Variants in WDR26 observed in about 807,000 individuals in gnomAD.
The protein encoded by WDR26 is WD repeat domain 26.
Under a neutral mutation model 84.1 loss-of-function variants are expected in WDR26, and 5 were observed. That is an observed-to-expected ratio of 0.06 (90% CI 0.03 to 0.13). WDR26 has a LOEUF of 0.13. Ranked by LOEUF, WDR26 falls within the 10% of genes least tolerant of loss-of-function variation. The pLI is 1.00. For synonymous variants in WDR26, 415 were observed against 389.6 expected (o/e 1.07, Z -0.77); for missense variants, 642 against 974.9 (o/e 0.66, Z 4.55).
At chr1:224,396,058 C>G (rs942911480) in intron 12 of WDR26, among the ~76,000 whole-genome samples, 21 of 152,128 alleles carry the variant, frequency 1.4e-4, no homozygotes, top group Non-Finnish European at 2.5e-4. Flanking sequence ...TTACTGTGGT[C>G]ATCCTGGGAG....
At chr1:224,402,705 T>C (rs997321071) in intron 8 of WDR26, among the ~76,000 whole-genome samples, 2 of 152,194 alleles carry the variant, frequency 1.3e-5, no homozygotes, top group African/African-American at 4.8e-5. Context: ...TGGAAAAAAG[T>C]TTTCATTGAT....
rs1301309362 is a variant in WDR26, at chr1:224,385,419, CAAAGA to C, written c.*4411_*4415del. ...AGTTTTTATACTTTAATGAATAAAGCAAAGAAATTTAAACTAAGTAAATATAATCT... is the reference window on the plus strand; with the variant it reads ...AGTTTTTATACTTTAATGAATAAAGCAATTTAAACTAAGTAAATATAATCT... On this transcript the variant is annotated 3_prime_UTR_variant, in exon 14 of 14. Transcript: ENST00000414423. The C allele has an allele frequency of 2.0e-5, 3 of 151,034 alleles. No homozygotes were observed. Among genetic ancestry groups the C allele is most frequent in the Non-Finnish European group, 4.4e-5 (3 of 67,926 alleles). 9.4% of individuals were successfully genotyped at this position (151,034 alleles called of 1,614,324 possible).
intron 1 of WDR26, among the ~76,000 whole-genome samples, chr1:224,433,344 C>G (rs1186134547): frequency 6.6e-6 from 1 of 152,182 alleles, no homozygotes; most frequent in Non-Finnish European, 1.5e-5. Context: ...CAGAAACACA[C>G]TCCCGCATCT....
At chr1:224,413,760 C>A (rs962269948) in intron 6 of WDR26, among the ~76,000 whole-genome samples, 1 of 152,172 alleles carries the variant, frequency 6.6e-6, no homozygotes, top group Non-Finnish European at 1.5e-5. Flanking sequence ...AAATTCCAAT[C>A]AAATAAGCAA....
At chr1:224,408,299 G>C (rs537338138) in intron 7 of WDR26, among the ~76,000 whole-genome samples, 11 of 152,034 alleles carry the variant, frequency 7.2e-5, no homozygotes, top group Non-Finnish European at 1.5e-4. Context: ...ACTTTCCCTA[G>C]CTTTGCTGTT....
chr1:224,422,082 A>G (rs761795154), intron 4 of WDR26, among the ~76,000 whole-genome samples: 27 of 152,210 alleles, frequency 1.8e-4, no homozygotes, highest in Admixed American at 4.6e-4. Context: ...TGATGTCACG[A>G]GAATACCCAG....
intron 3 of WDR26, among the ~76,000 whole-genome samples, chr1:224,427,333 G>A (rs114252940): frequency 6.6e-6 from 1 of 151,228 alleles, no homozygotes; most frequent in Non-Finnish European, 1.5e-5. Context: ...ATTTTTTTTG[G>A]TATCAATCAT....
At chr1:224,391,186 G>A (rs2102883968) in intron 13 of WDR26, among the ~76,000 whole-genome samples, 1 of 151,632 alleles carries the variant, frequency 6.6e-6, no homozygotes, top group South Asian at 2.1e-4. Flanking sequence ...GACCAACATG[G>A]AAAAACCCCA....
intron 1 of WDR26, among the ~76,000 whole-genome samples, chr1:224,433,146 C>T (rs1227068224): frequency 6.6e-6 from 1 of 152,178 alleles, no homozygotes; most frequent in Non-Finnish European, 1.5e-5. Context: ...ATGATCCCAG[C>T]CCCTCCGTTC....
intron 6 of WDR26, among the ~76,000 whole-genome samples, chr1:224,413,524 G>C (rs1355801563): frequency 2.0e-5 from 3 of 152,066 alleles, no homozygotes; most frequent in Admixed American, 6.6e-5. Context: ...CATTTATTAA[G>C]CAATTACTAG....
chr1:224,410,491 T>A (rs1324164845), intron 7 of WDR26, among the ~76,000 whole-genome samples: 2 of 151,960 alleles, frequency 1.3e-5, no homozygotes, highest in South Asian at 2.1e-4. Flanking sequence ...CGAACACTTA[T>A]CTGATTTTAG....
chr1:224,416,791 C>A lies in WDR26; in HGVS notation c.1319+1469G>T, dbSNP rs181793842. 1.1e-4 allele frequency among the ~76,000 whole-genome samples: 17 copies of A among 152,294 alleles called. No individual in the cohort carries two copies. In the East Asian group the frequency reaches 2.3e-3, roughly 21 times the overall value. Reference sequence around the variant, plus strand: ...AAAAAAGATTTGGGTTCACAAGCGTCTTAATTTTAACACTGTTCTCAAATC... The same window carrying A: ...AAAAAAGATTTGGGTTCACAAGCGTATTAATTTTAACACTGTTCTCAAATC... On this transcript the variant is annotated intron_variant, in intron 6 of 13. Transcript: ENST00000414423.
Position 224,433,697 on chromosome 1 carries a change from C to T in WDR26, c.709G>A (p.Gly237Ser). ...AGGGATACTTACTTGAGCCCTAAGC[C>T]ATTCAAGTGCTGTCCTATTAGCCTA... Residue 237 changes from glycine (G) to serine (S), a missense_variant, in exon 1 of 14, where the codon GGC (glycine) becomes AGC (serine). Physicochemically the swap from Gly to Ser is moderately conservative, Grantham distance 56. Around this residue, in one of 2 missense-constraint regions of WDR26, gnomAD observed 351 missense variants for 672.8 expected, o/e 0.52. Coordinates refer to ENST00000414423, the MANE Select transcript of WDR26 (RefSeq NM_001379403.1). The T allele has an allele frequency of 6.6e-7, 1 of 1,510,948 alleles. No individual in the cohort carries two copies. Among genetic ancestry groups the T allele is most frequent in the Non-Finnish European group, 8.8e-7 (1 of 1,131,088 alleles). The allele number at this position is 1,510,948 out of a possible 1,614,324, so 93.6% of individuals were successfully genotyped here. A position where few individuals can be genotyped will look rare whatever the true frequency, so the allele number is the denominator to read the frequency against.
intron 1 of WDR26, 59 bp downstream of exon 1, chr1:224,433,625 C>T (rs1185650981): frequency 3.8e-6 from 5 of 1,309,652 alleles, no homozygotes; most frequent in Admixed American, 3.1e-5. Context: ...TTCCCCTACC[C>T]CCCTGGAGCC....
At position 224,434,061 on chromosome 1, in the gene WDR26, G is replaced by A; in HGVS notation, c.345C>T (p.Gly115=). The change falls in exon 1 of 14, where the codon GGC becomes GGT. Residue 115 remains glycine (G), a synonymous_variant. Transcript: ENST00000414423. ...CGCCGCCCCCTCCTCCTCCACCGCC[G>A]CCGCCGCCACCTCCTCCTCCTCCTC... The A allele has an allele frequency of 3.5e-6, 5 of 1,448,150 alleles. No homozygotes were observed. Among genetic ancestry groups the A allele is most frequent in the Non-Finnish European group, 4.5e-6 (5 of 1,105,352 alleles). 89.7% of individuals were successfully genotyped at this position (1,448,150 alleles called of 1,614,324 possible).
chr1:224,420,964 A>G (rs972381742), intron 4 of WDR26, among the ~76,000 whole-genome samples: 2 of 152,210 alleles, frequency 1.3e-5, no homozygotes, highest in Non-Finnish European at 2.9e-5. Context: ...TATTATCAAT[A>G]ATTATATTTT....
At chr1:224,420,686 T>C (rs895840028) in intron 4 of WDR26, among the ~76,000 whole-genome samples, 2 of 152,210 alleles carry the variant, frequency 1.3e-5, no homozygotes, top group Non-Finnish European at 2.9e-5. Context: ...ACATAAATAG[T>C]GCTTTAACTG....
At position 224,434,765 on chromosome 1, in the gene WDR26, G is replaced by T; in HGVS notation, c.-360C>A. 1.0e-6 allele frequency: 1 copy of T among 986,404 alleles called. No homozygotes were observed. The highest frequency in any genetic ancestry group is 1.2e-6 in the Non-Finnish European group (1 of 830,302). The allele number at this position is 986,404 out of a possible 1,614,324, so 61.1% of individuals were successfully genotyped here. A position where few individuals can be genotyped will look rare whatever the true frequency, so the allele number is the denominator to read the frequency against. On this transcript the variant is annotated 5_prime_UTR_variant, in exon 1 of 14. Transcript: ENST00000414423. ...CGGATCCGCTCCGCTCTGCTCCCTGGTGTGTTGATTCTTCCCCCAGCTGCT... is the reference window on the plus strand; with the variant it reads ...CGGATCCGCTCCGCTCTGCTCCCTGTTGTGTTGATTCTTCCCCCAGCTGCT...
At chr1:224,407,149 A>T (rs866365063) in intron 7 of WDR26, among the ~76,000 whole-genome samples, 5,664 of 16,736 alleles carry the variant, frequency 0.34, 500 homozygotes, top group Middle Eastern at 0.5. Flanking sequence ...AAAAAAAAAA[A>T]AAATATATAT....
Sources: gnomAD v4.1 joint callset for allele counts (sites outside exome capture counted in the v4.1 genomes callset) on GRCh38, gnomAD v4.1.1 for gene constraint, gnomAD v4.1.1 regional missense constraint, MANE v1.5 for transcripts, NCBI Gene and HGNC (gene_info 2026-07-23, HGNC 2026-07-21) for gene names.